TCF12: variants seen among roughly 807,000 people sequenced by gnomAD.
The protein encoded by TCF12 is DNA-binding protein HTF4.
A neutral mutation model predicts 86.0 loss-of-function variants in TCF12; 45 were observed. The observed-to-expected ratio is 0.52, with a 90% CI of 0.41 to 0.67. TCF12 has a LOEUF of 0.67. Among genes scored for constraint, TCF12 ranks in the 30% least tolerant of loss-of-function variants. The pLI is 0.00. For synonymous variants in TCF12, 330 were observed against 299.6 expected (o/e 1.10, Z -1.05); for missense variants, 881 against 859.9 (o/e 1.02, Z -0.31).
At chr15:56,953,218 A>C (rs1043509434) in intron 3 of TCF12, among the ~76,000 whole-genome samples, 1 of 151,970 alleles carries the variant, frequency 6.6e-6, no homozygotes, top group Non-Finnish European at 1.5e-5. Context: ...ATGAGGCATT[A>C]TTCTTTATAT....
At chr15:57,196,907 A>G (rs2057294014) in intron 7 of TCF12, among the ~76,000 whole-genome samples, 1 of 152,188 alleles carries the variant, frequency 6.6e-6, no homozygotes, top group African/African-American at 2.4e-5. Flanking sequence ...TATGTATCAT[A>G]TATTGACATT....
chr15:56,961,799 A>C (rs2061765265), intron 3 of TCF12, among the ~76,000 whole-genome samples: 1 of 152,116 alleles, frequency 6.6e-6, no homozygotes, highest in African/African-American at 2.4e-5. Flanking sequence ...GTTGTATATA[A>C]ATGTATGTTA....
At chr15:56,937,676 G>T (rs2060529217) in intron 3 of TCF12, among the ~76,000 whole-genome samples, 1 of 152,068 alleles carries the variant, frequency 6.6e-6, no homozygotes, top group South Asian at 2.1e-4. Flanking sequence ...TATGTTGGCT[G>T]TGGGTTTGTC....
chr15:56,957,836 A>G (rs2061563032), intron 3 of TCF12, among the ~76,000 whole-genome samples: 2 of 152,168 alleles, frequency 1.3e-5, no homozygotes, highest in Admixed American at 1.3e-4. Flanking sequence ...GAATTTAGCT[A>G]AATTACTTTG....
At chr15:57,173,588 G>C (rs1194975902) in intron 6 of TCF12, among the ~76,000 whole-genome samples, 1 of 152,058 alleles carries the variant, frequency 6.6e-6, no homozygotes, top group East Asian at 1.9e-4. Flanking sequence ...TATACATTAA[G>C]AATATAATAA....
At chr15:57,034,441 G>A (rs1219915189) in intron 3 of TCF12, among the ~76,000 whole-genome samples, 2 of 151,910 alleles carry the variant, frequency 1.3e-5, no homozygotes, top group African/African-American at 2.4e-5. Flanking sequence ...TTGCAGTGTT[G>A]GAGAAACAAA....
chr15:57,282,525 A>G lies in TCF12; in HGVS notation c.2059A>G (p.Thr687Ala), dbSNP rs150359060. 1.2e-4 allele frequency: 189 copies of G among 1,614,136 alleles called. 1 individual carries two copies. Among genetic ancestry groups the G allele is most frequent in the Non-Finnish European group, 1.6e-4 (184 of 1,180,058 alleles). ...KVSAVSAEPP[T>A]TLPGTHPGLS... ...TTCTGCCGTATCGGCAGAGCCGCCA[A>G]CCACACTGCCAGGAACCCATCCTGG... The change falls in exon 20 of 21, where the codon ACC becomes GCC. Residue 687 changes from threonine to alanine, a missense_variant. By Grantham distance (58) the Thr-to-Ala change is moderately conservative. This residue lies in a region of TCF12 where 69 missense variants were observed against 64.2 expected (regional missense o/e 1.07). Coordinates refer to ENST00000333725, the MANE Select transcript of TCF12 (RefSeq NM_207037.2).
chr15:57,252,561 A>G (rs1597653352), intron 15 of TCF12, 69 bp downstream of exon 15: 1 of 1,352,956 alleles, frequency 7.4e-7, no homozygotes, highest in East Asian at 2.3e-5. Context: ...TTCATTTAAA[A>G]TCTTTAAGCT....
At chr15:57,025,232 A>G (rs1814974287) in intron 3 of TCF12, among the ~76,000 whole-genome samples, 1 of 152,088 alleles carries the variant, frequency 6.6e-6, no homozygotes, top group Non-Finnish European at 1.5e-5. Context: ...GGCGCCTGCT[A>G]CCATGTGCGG....
At chr15:56,942,791 CTT>C (rs2140368504) in intron 3 of TCF12, among the ~76,000 whole-genome samples, 1 of 152,132 alleles carries the variant, frequency 6.6e-6, no homozygotes, top group Non-Finnish European at 1.5e-5. Flanking sequence ...TCTTTAAAGA[CTT>C]TATTGGCTTT....
chr15:57,269,663 C>T (rs1281684678), intron 18 of TCF12, among the ~76,000 whole-genome samples: 2 of 152,088 alleles, frequency 1.3e-5, no homozygotes, highest in African/African-American at 4.8e-5. Flanking sequence ...ATGGTCTTTA[C>T]AATTTGGCAT....
chr15:57,187,392 T>C (rs778592307), intron 6 of TCF12, among the ~76,000 whole-genome samples: 1 of 152,292 alleles, frequency 6.6e-6, no homozygotes, highest in East Asian at 1.9e-4. Flanking sequence ...CATTCAGCAT[T>C]GTACTGGAAA....
At chr15:57,048,972 GA>G (rs2067426541) in intron 3 of TCF12, among the ~76,000 whole-genome samples, 1 of 152,152 alleles carries the variant, frequency 6.6e-6, no homozygotes, top group Admixed American at 6.5e-5. Flanking sequence ...CCAGCTGCTG[GA>G]AGTGTTGGTG....
At chr15:57,268,112 G>T (rs1033251988) in intron 18 of TCF12, among the ~76,000 whole-genome samples, 1 of 152,270 alleles carries the variant, frequency 6.6e-6, no homozygotes. Context: ...TGTGATCCTA[G>T]GTCTTGAAGT....
chr15:57,140,335 A>G (rs1007693451), intron 5 of TCF12, among the ~76,000 whole-genome samples: 2 of 152,256 alleles, frequency 1.3e-5, no homozygotes, highest in Non-Finnish European at 1.5e-5. Flanking sequence ...CAAATACTGT[A>G]TAATTCCATT....
At chr15:57,101,739 G>A (rs889598718) in intron 5 of TCF12, among the ~76,000 whole-genome samples, 13 of 152,168 alleles carry the variant, frequency 8.5e-5, no homozygotes, top group African/African-American at 3.1e-4. Context: ...CTTGTGTTAC[G>A]TATTTGTTTT....
intron 5 of TCF12, among the ~76,000 whole-genome samples, chr15:57,107,073 C>T (rs2050181210): frequency 6.6e-6 from 1 of 152,188 alleles, no homozygotes; most frequent in Non-Finnish European, 1.5e-5. Flanking sequence ...ATGAAGTCTA[C>T]ACAATGAAGT....
chr15:57,227,599 G>A (rs974649374), intron 8 of TCF12, among the ~76,000 whole-genome samples: 2 of 152,110 alleles, frequency 1.3e-5, no homozygotes, highest in Non-Finnish European at 2.9e-5. Flanking sequence ...TGATTTATGT[G>A]ATTGCGTTGT....
At chr15:56,974,571 T>C (rs185761921) in intron 3 of TCF12, among the ~76,000 whole-genome samples, 2 of 152,250 alleles carry the variant, frequency 1.3e-5, no homozygotes, top group East Asian at 3.8e-4. Flanking sequence ...TGTTAGATTC[T>C]TTGAGAGATA....
Sources: gnomAD v4.1 joint callset for allele counts (sites outside exome capture counted in the v4.1 genomes callset) on GRCh38, gnomAD v4.1.1 for gene constraint, gnomAD v4.1.1 regional missense constraint, MANE v1.5 for transcripts, NCBI Gene and HGNC (gene_info 2026-07-23, HGNC 2026-07-21) for gene names.